Variants in P2RY14 observed in about 807,000 individuals in gnomAD.
P2RY14 encodes the protein P2Y purinoceptor 14.
A neutral mutation model predicts 0.9 loss-of-function variants in P2RY14; 2 were observed. The ratio of observed to expected loss-of-function variants is 2.16; its 90% CI spans 0.88 to 6.79. P2RY14 has a LOEUF of 6.79. Ranked by LOEUF, P2RY14 falls within the 30% of genes most tolerant of loss-of-function variation. The pLI, the probability that P2RY14 is intolerant of heterozygous loss-of-function variation, is 0.05. For synonymous variants in P2RY14, 158 were observed against 147.2 expected, an observed-to-expected ratio of 1.07 and a Z score of -0.53; for missense variants, 378 against 400.1, an observed-to-expected ratio of 0.94 and a Z score of 0.47.
intron 1 of P2RY14, among the ~76,000 whole-genome samples, chr3:151,276,106 G>T (rs950046225): frequency 6.6e-6 from 1 of 152,216 alleles, no homozygotes; most frequent in Non-Finnish European, 1.5e-5. Context: ...TTTCAATTAT[G>T]CCCAGACAAC....
chr3:151,259,638 G>A (rs7618206), intron 1 of P2RY14, among the ~76,000 whole-genome samples: 37,986 of 152,108 alleles, frequency 0.25, 5,070 homozygotes, highest in South Asian at 0.3. Flanking sequence ...TGAGCCTCAA[G>A]ATAGGTAGGT....
chr3:151,214,098 A>G lies in P2RY14; in HGVS notation c.219T>C (p.Thr73=), dbSNP rs1409501297. 6.2e-7 allele frequency: 1 copy of G among 1,614,138 alleles called. No homozygotes were observed. Among genetic ancestry groups the G allele is most frequent in the Non-Finnish European group, 8.5e-7 (1 of 1,179,998 alleles). The change falls in exon 3 of 3, where the codon ACT becomes ACC. Residue 73 remains threonine, a synonymous_variant. Coordinates refer to ENST00000309170, the MANE Select transcript of P2RY14 (RefSeq NM_014879.4). ...AGTCACCAAGGATCTTGAAAGGAAAAGTCAGGCTCATCACAAAGTCAGCAA... is the reference window on the plus strand; with the variant it reads ...AGTCACCAAGGATCTTGAAAGGAAAGGTCAGGCTCATCACAAAGTCAGCAA... ...IVIADFVMSL[T]FPFKILGDSG... is the part of the protein sequence containing the mutation.
At chr3:151,229,305 CTTTTTTTTTT>C (rs35097589) in intron 1 of P2RY14, among the ~76,000 whole-genome samples, 2 of 112,520 alleles carry the variant, frequency 1.8e-5, no homozygotes, top group Admixed American at 9.4e-5. Context: ...TTCAGCAATT[CTTTTTTTTTT>C]TTTTTTTTTT....
chr3:151,229,893 T>A (rs913483536), intron 1 of P2RY14, among the ~76,000 whole-genome samples: 24 of 152,202 alleles, frequency 1.6e-4, no homozygotes, highest in African/African-American at 5.3e-4. Context: ...TTGAAGATGT[T>A]GTTCAAGTTG....
chr3:151,273,499 C>T (rs1741355033), intron 1 of P2RY14, among the ~76,000 whole-genome samples: 1 of 151,338 alleles, frequency 6.6e-6, no homozygotes, highest in South Asian at 2.1e-4. Flanking sequence ...CCTCGGCCTC[C>T]CAAAGTGTTG....
At chr3:151,237,724 A>C (rs1283181394) in intron 1 of P2RY14, among the ~76,000 whole-genome samples, 2 of 152,180 alleles carry the variant, frequency 1.3e-5, no homozygotes, top group Non-Finnish European at 2.9e-5. Context: ...TGTGGATATC[A>C]GTCCTCTCTG....
At chr3:151,234,568 T>G (rs1732338761) in intron 1 of P2RY14, among the ~76,000 whole-genome samples, 1 of 152,228 alleles carries the variant, frequency 6.6e-6, no homozygotes, top group Non-Finnish European at 1.5e-5. Flanking sequence ...GTATAAACTT[T>G]CTGATGAATG....
At chr3:151,221,810 C>G (rs1559896408) in intron 1 of P2RY14, among the ~76,000 whole-genome samples, 1 of 152,172 alleles carries the variant, frequency 6.6e-6, no homozygotes, top group African/African-American at 2.4e-5. Context: ...GATTGGAGCC[C>G]CCACACAGAG....
intron 1 of P2RY14, among the ~76,000 whole-genome samples, chr3:151,238,082 T>C (rs1015397732): frequency 6.6e-6 from 1 of 152,204 alleles, no homozygotes; most frequent in Non-Finnish European, 1.5e-5. Context: ...TAACTAGTGC[T>C]TTTTGTATCT....
chr3:151,247,600 CG>C (rs1250169979), intron 1 of P2RY14, among the ~76,000 whole-genome samples: 1 of 88,316 alleles, frequency 1.1e-5, no homozygotes, highest in Non-Finnish European at 2.2e-5. Flanking sequence ...TATCACACTC[CG>C]GGGACTGTTG....
rs561162330 is a variant in P2RY14, at chr3:151,238,603, G to A, written c.-132-18961C>T. Among the ~76,000 whole-genome samples, 329 of 152,336 alleles carry A rather than the reference G, an allele frequency of 2.2e-3. 1 individual carries two copies. The highest frequency in any genetic ancestry group is 7.6e-3 in the African/African-American group (318 of 41,572). On this transcript the variant is annotated intron_variant, in intron 1 of 2. Transcript: ENST00000309170. Reference sequence around the variant, plus strand: ...GCACTGATGGTGCAAAAGCCATGATGTGTAAAATGTTCAGGTGTCTTAGCA... The same window carrying A: ...GCACTGATGGTGCAAAAGCCATGATATGTAAAATGTTCAGGTGTCTTAGCA...
chr3:151,248,107 G>T (rs920513360), intron 1 of P2RY14, among the ~76,000 whole-genome samples: 1 of 150,438 alleles, frequency 6.6e-6, no homozygotes, highest in Non-Finnish European at 1.5e-5. Flanking sequence ...AATATTCCTT[G>T]TCCTTGCCAT....
chr3:151,263,413 A>G (rs570112796), intron 1 of P2RY14, among the ~76,000 whole-genome samples: 10 of 152,334 alleles, frequency 6.6e-5, no homozygotes, highest in Admixed American at 2.0e-4. Context: ...ACAATTTGCT[A>G]TCATAGTGAA....
At chr3:151,267,013 A>G (rs1739968707) in intron 1 of P2RY14, among the ~76,000 whole-genome samples, 1 of 152,216 alleles carries the variant, frequency 6.6e-6, no homozygotes, top group Admixed American at 6.5e-5. Flanking sequence ...GTGTTGACAA[A>G]TTACATCTAT....
chr3:151,247,467 A>T (rs1469754966), intron 1 of P2RY14, among the ~76,000 whole-genome samples: 1 of 151,854 alleles, frequency 6.6e-6, no homozygotes, highest in Admixed American at 6.6e-5. Context: ...TTGTAGGGAC[A>T]TGGATGAAAT....
chr3:151,274,949 A>G (rs1363852906), intron 1 of P2RY14, among the ~76,000 whole-genome samples: 1 of 152,206 alleles, frequency 6.6e-6, no homozygotes, highest in African/African-American at 2.4e-5. Context: ...GATTTCATTC[A>G]TCATCTGTAG....
intron 1 of P2RY14, among the ~76,000 whole-genome samples, chr3:151,274,573 T>G (rs1416911118): frequency 2.0e-5 from 3 of 152,226 alleles, no homozygotes; most frequent in Non-Finnish European, 4.4e-5. Context: ...TTTTTCATAT[T>G]CTGTTTTTGT....
In P2RY14 at chr3:151,222,228, C is replaced by T. The variant is rs182010177; in HGVS notation, c.-132-2586G>A. On this transcript the variant is annotated intron_variant, in intron 1 of 2. Transcript: ENST00000309170. ...GCTTTAGATTTTACAGGCTCATAGG[C>T]GGAAGGGACTTGCCTTGTCTGGGAT... 3.8e-4 allele frequency among the ~76,000 whole-genome samples: 58 copies of T among 152,266 alleles called. No homozygotes were observed. In the East Asian group the frequency reaches 5.6e-3, roughly 15 times the overall value.
intron 1 of P2RY14, among the ~76,000 whole-genome samples, chr3:151,267,676 ATTAC>A: frequency 6.6e-6 from 1 of 152,134 alleles, no homozygotes; most frequent in East Asian, 1.9e-4. Flanking sequence ...TGTAACATGT[ATTAC>A]TTATATATAT....
Sources: allele counts gnomAD v4.1 joint callset (sites outside exome capture counted in the v4.1 genomes callset), GRCh38; gene constraint gnomAD v4.1.1; transcripts MANE v1.5; gene names NCBI Gene and HGNC (gene_info 2026-07-23, HGNC 2026-07-21).